The following EIF4ENIF1 variants were observed in gnomAD, a reference collection of about 807,000 sequenced individuals.
The protein encoded by EIF4ENIF1 is eukaryotic translation initiation factor 4E transporter.
A neutral mutation model predicts 110.5 loss-of-function variants in EIF4ENIF1; 23 were observed. The observed-to-expected ratio is 0.21, with a 90% confidence interval of 0.15 to 0.29. The LOEUF is 0.29. Among genes scored for constraint, EIF4ENIF1 ranks in the 10% least tolerant of loss-of-function variants. The probability of loss-of-function intolerance (pLI) is 1.00; values close to 1 mark genes in which losing one functional copy is unlikely to be tolerated. For synonymous variants in EIF4ENIF1, 440 were observed against 437.0 expected, an observed-to-expected ratio of 1.01 and a Z score of -0.09; for missense variants, 1,031 against 1,221.1, an observed-to-expected ratio of 0.84 and a Z score of 2.32.
At chr22:31,465,339 AAACC>A (rs1479594455) in intron 4 of EIF4ENIF1, among the ~76,000 whole-genome samples, 2 of 152,004 alleles carry the variant, frequency 1.3e-5, no homozygotes, top group Non-Finnish European at 2.9e-5. Context: ...AAAAAAAAAA[AAACC>A]AACACAATTG....
rs150972596 is a variant in EIF4ENIF1 at position 31,442,028 on chromosome 22, G to A, written c.2297C>T (p.Ser766Leu). 211 of 1,614,180 alleles carry A rather than the reference G, an allele frequency of 1.3e-4. No homozygotes were observed. The highest frequency in any genetic ancestry group is 1.7e-4 in the Non-Finnish European group (203 of 1,180,016). ...GGCCTGGGACAGTGGGGTGGAACAC[G>A]AAGACCTCTGTAATGCTGACAGTTT... ...NSKLSALQRS[S>L]CSTPLSQANR... Residue 766 changes from serine (S) to leucine (L), a missense_variant, in exon 17 of 19, where the codon TCG (serine) becomes TTG (leucine). This residue lies in a region of EIF4ENIF1 where 309 missense variants were observed against 299.1 expected (regional missense o/e 1.03). Coordinates refer to ENST00000330125, the MANE Select transcript of EIF4ENIF1 (RefSeq NM_019843.4).
intron 17 of EIF4ENIF1, 146 bp downstream of exon 17, chr22:31,441,628 G>A: frequency 1.6e-6 from 1 of 633,634 alleles, no homozygotes; most frequent in Non-Finnish European, 2.7e-6. Context: ...TGACTGGATT[G>A]GGCCCACTGC....
intron 14 of EIF4ENIF1, among the ~76,000 whole-genome samples, chr22:31,445,974 C>T: frequency 7.0e-6 from 1 of 142,840 alleles, no homozygotes; most frequent in Non-Finnish European, 1.5e-5. Flanking sequence ...CCATCTACCT[C>T]ACAGGGTTGA....
chr22:31,478,943 C>T (rs2051701740), intron 2 of EIF4ENIF1, among the ~76,000 whole-genome samples: 3 of 128,336 alleles, frequency 2.3e-5, no homozygotes, highest in South Asian at 5.0e-4. Flanking sequence ...CACAGAGAGA[C>T]TGTTTCAAAA....
At chr22:31,480,732 G>A (rs1206843142) in intron 2 of EIF4ENIF1, among the ~76,000 whole-genome samples, 1 of 151,728 alleles carries the variant, frequency 6.6e-6, no homozygotes, top group African/African-American at 2.4e-5. Context: ...TCCAGCCTGG[G>A]CAACAGGAAC....
rs370460079 is a variant in EIF4ENIF1, at chr22:31,486,518, C to T, written c.96+2105G>A. Among the ~76,000 whole-genome samples the T allele has an allele frequency of 4.6e-5, 7 of 152,176 alleles. No homozygotes were observed. In the East Asian group the frequency reaches 9.7e-4, roughly 21 times the overall value. ...AGGGGGCCAGGTGCAGTGGCTCACA[C>T]GTGTAATCCCAGCACTTTGGGAGGC... is the stretch of plus-strand genomic sequence containing the variant. On this transcript the variant is annotated intron_variant, in intron 2 of 18. Transcript: ENST00000330125.
intron 15 of EIF4ENIF1, among the ~76,000 whole-genome samples, chr22:31,443,940 A>G (rs2050382901): frequency 6.6e-6 from 1 of 151,528 alleles, no homozygotes; most frequent in Non-Finnish European, 1.5e-5. Flanking sequence ...GGGACCACAG[A>G]TGTGCACCAC....
At chr22:31,460,520 T>C (rs1601599205) in intron 6 of EIF4ENIF1, among the ~76,000 whole-genome samples, 1 of 151,086 alleles carries the variant, frequency 6.6e-6, no homozygotes, top group East Asian at 2.0e-4. Context: ...GTAGTTCCGC[T>C]ACTCCGGAGG....
chr22:31,478,515 C>CAAAAAAA (rs35883412), intron 2 of EIF4ENIF1, among the ~76,000 whole-genome samples: 2 of 87,686 alleles, frequency 2.3e-5, no homozygotes, highest in Non-Finnish European at 4.1e-5. Context: ...GACTCTGTCT[C>CAAAAAAA]AAAAAAAAAA....
chr22:31,489,463 C>A (rs1029381461), intron 1 of EIF4ENIF1: 2 of 151,506 alleles, frequency 1.3e-5, no homozygotes, highest in Non-Finnish European at 3.0e-5. Context: ...GGAGCTAGCG[C>A]AGGCCCGCAG....
chr22:31,448,095 A>AT, intron 13 of EIF4ENIF1, 58 bp downstream of exon 13: 1 of 1,571,754 alleles, frequency 6.4e-7, no homozygotes, highest in Non-Finnish European at 8.8e-7. Context: ...TCCACTCCCC[A>AT]TGCACCAAGA....
intron 2 of EIF4ENIF1, among the ~76,000 whole-genome samples, chr22:31,485,461 C>A (rs184529254): frequency 2.0e-4 from 31 of 152,114 alleles, no homozygotes; most frequent in African/African-American, 6.8e-4. Context: ...AACCTCTGAT[C>A]GGTGTGTGAA....
chr22:31,462,832 C>T, intron 6 of EIF4ENIF1, 100 bp downstream of exon 6: 3 of 1,269,634 alleles, frequency 2.4e-6, no homozygotes, highest in Non-Finnish European at 2.2e-6. Flanking sequence ...ATCCGCCCAC[C>T]TCGGCCTCCC....
chr22:31,464,744 A>C (rs1299820797), intron 4 of EIF4ENIF1, among the ~76,000 whole-genome samples: 1 of 132,870 alleles, frequency 7.5e-6, no homozygotes, highest in East Asian at 2.0e-4. Context: ...ATATACAAAA[A>C]TTAATTCAAA....
At chr22:31,437,059 C>T (rs1336891930), downstream of EIF4ENIF1, 1 of 152,202 alleles carries the variant, frequency 6.6e-6, no homozygotes, top group East Asian at 1.9e-4. Flanking sequence ...GCTTAAAAGA[C>T]ACTCAGTAGC....
chr22:31,450,895 A>C (rs571723913), intron 10 of EIF4ENIF1: 1 of 152,494 alleles, frequency 6.6e-6, no homozygotes, highest in African/African-American at 2.8e-5. Context: ...ACACACACAC[A>C]AAAGAGACAG....
rs551524335 is a variant in EIF4ENIF1 at position 31,463,954 on chromosome 22, A to G, written c.312T>C (p.Arg104=). The G allele has an allele frequency of 3.7e-6, 6 of 1,612,388 alleles. No homozygotes were observed. In the East Asian group the frequency reaches 1.3e-4, roughly 36 times the overall value. ...CAACATCTAAGTCATCTTCTTTCACACGCTCTCGTGGATCTGGAAGGACGT... is the reference window on the plus strand; with the variant it reads ...CAACATCTAAGTCATCTTCTTTCACGCGCTCTCGTGGATCTGGAAGGACGT... ...LVRRIVDPRE[R]VKEDDLDVVL... The change falls in exon 5 of 19, where the codon CGT becomes CGC. Residue 104 remains arginine, a synonymous_variant. Transcript: ENST00000330125.
chr22:31,452,998 T>G (rs1367759164), intron 10 of EIF4ENIF1, among the ~76,000 whole-genome samples: 1 of 152,034 alleles, frequency 6.6e-6, no homozygotes, highest in African/African-American at 2.4e-5. Context: ...TACTTGCATC[T>G]TGGCTAACTG....
intron 18 of EIF4ENIF1, 60 bp from the exon 19 acceptor site, chr22:31,440,181 C>T (rs1303315483): frequency 6.2e-7 from 1 of 1,612,098 alleles, no homozygotes; most frequent in African/African-American, 1.3e-5. Flanking sequence ...TTAGACCCTG[C>T]TTCATTCAAA....
Sources: gnomAD v4.1 joint callset for allele counts (sites outside exome capture counted in the v4.1 genomes callset) on GRCh38, gnomAD v4.1.1 for gene constraint, gnomAD v4.1.1 regional missense constraint, MANE v1.5 for transcripts, NCBI Gene and HGNC (gene_info 2026-07-23, HGNC 2026-07-21) for gene names.